Variants in NPIPB2 observed in about 807,000 individuals in gnomAD.
NPIPB2 encodes nuclear pore complex interacting protein family member B2, also known as nuclear pore complex-interacting protein family member B2.
A neutral mutation model predicts 30.8 loss-of-function variants in NPIPB2; 27 were observed. That is an observed-to-expected ratio of 0.88 (90% CI 0.65 to 1.21). The LOEUF (loss-of-function observed/expected upper bound fraction) is 1.21, where lower values mean the gene tolerates loss of function less well. Ranked by LOEUF, NPIPB2 falls within the 50% of genes most tolerant of loss-of-function variation. NPIPB2 has a pLI of 0.00. For missense variants in NPIPB2, 440 were observed against 446.2 expected, an observed-to-expected ratio of 0.99 and a Z score of 0.13; for synonymous variants, 147 against 162.0, an observed-to-expected ratio of 0.91 and a Z score of 0.70.
At chr16:11,973,585 G>A (rs2055248888) in intron 1 of NPIPB2, among the ~76,000 whole-genome samples, 1 of 152,086 alleles carries the variant, frequency 6.6e-6, no homozygotes, top group African/African-American at 2.4e-5. Context: ...TTTATTTTTT[G>A]AGACAGAGTT....
At chr16:11,948,250 C>G (rs2055030970) in intron 1 of NPIPB2, among the ~76,000 whole-genome samples, 1 of 151,868 alleles carries the variant, frequency 6.6e-6, no homozygotes, top group Non-Finnish European at 1.5e-5. Flanking sequence ...GGTCACCTCA[C>G]CAAACAGAAA....
At chr16:11,958,768 T>C (rs2055133790) in intron 1 of NPIPB2, among the ~76,000 whole-genome samples, 1 of 151,934 alleles carries the variant, frequency 6.6e-6, no homozygotes, top group Non-Finnish European at 1.5e-5. Context: ...AGAAAGCCTG[T>C]AGGTTGAAAA....
At chr16:11,970,397 C>G (rs1369083481) in intron 1 of NPIPB2, among the ~76,000 whole-genome samples, 1 of 151,898 alleles carries the variant, frequency 6.6e-6, no homozygotes, top group South Asian at 2.1e-4. Context: ...ATTTTTACTA[C>G]AGATGGGGTT....
At chr16:11,951,460 C>CAAAA (rs144775580) in intron 1 of NPIPB2, among the ~76,000 whole-genome samples, 66 of 49,588 alleles carry the variant, frequency 1.3e-3, no homozygotes, top group South Asian at 2.7e-3. Context: ...AAGACTGTCT[C>CAAAA]AAAAAAAAAA....
intron 1 of NPIPB2, among the ~76,000 whole-genome samples, chr16:11,972,430 C>T (rs964077022): frequency 4.6e-5 from 7 of 151,770 alleles, no homozygotes; most frequent in South Asian, 2.1e-4. Context: ...AATAATTAGC[C>T]GGGGCTTGGT....
intron 1 of NPIPB2, among the ~76,000 whole-genome samples, chr16:11,955,249 G>A (rs550274492): frequency 6.6e-6 from 1 of 151,466 alleles, no homozygotes; most frequent in East Asian, 2.0e-4. Context: ...AGCTACTCTG[G>A]AGGGTGAGGC....
intron 4 of NPIPB2, 65 bp downstream of exon 4, chr16:11,933,452 T>A: frequency 6.3e-7 from 1 of 1,591,998 alleles, no homozygotes; most frequent in Non-Finnish European, 8.5e-7. Flanking sequence ...TCAAGGACTT[T>A]ACAGTTGTCT....
Position 11,963,208 on chromosome 16 carries a change from C to T in NPIPB2, c.-584+13360G>A, listed in dbSNP as rs1027656648. Among the ~76,000 whole-genome samples, 3 of 152,096 alleles carry T rather than the reference C, an allele frequency of 2.0e-5. No homozygotes were observed. In the East Asian group the frequency reaches 5.8e-4, roughly 29 times the overall value. ...CAGCCTGACCAACACGGTGAAACCC[C>T]GTCTCTACCAAAAATACAAAAACTA... On this transcript the variant is annotated intron_variant, in intron 1 of 5. Coordinates refer to the NPIPB2 transcript ENST00000538896.
At chr16:11,974,898 C>G (rs1192923677) in intron 1 of NPIPB2, among the ~76,000 whole-genome samples, 1 of 151,720 alleles carries the variant, frequency 6.6e-6, no homozygotes, top group Non-Finnish European at 1.5e-5. Context: ...ACGTTGAAAC[C>G]CCGTCTCTAC....
chr16:11,941,160 T>G lies in NPIPB2; in HGVS notation c.63+823A>C, dbSNP rs577050466. 30 of 1,474,346 alleles carry G rather than the reference T, an allele frequency of 2.0e-5. 1 individual carries two copies. The African/African-American group carries it at 4.5e-4, about 22-fold the overall frequency. The allele number at this position is 1,474,346 out of a possible 1,614,324, so 91.3% of individuals were successfully genotyped here. On this transcript the variant is annotated intron_variant, in intron 1 of 7. Transcript: ENST00000399147. ...AGGAAGAAACCCCGCGGGTCCAGCG[T>G]CTACTCACACAGGTGGACTGATGGC...
intron 1 of NPIPB2, chr16:11,965,379 C>A (rs375886084): frequency 3.5e-5 from 56 of 1,614,076 alleles, no homozygotes; most frequent in Non-Finnish European, 4.3e-5. Flanking sequence ...CAGTTTGTTG[C>A]ATGCTTGCAT....
chr16:11,960,028 G>C (rs1475102420), intron 1 of NPIPB2, among the ~76,000 whole-genome samples: 1 of 152,184 alleles, frequency 6.6e-6, no homozygotes, highest in Non-Finnish European at 1.5e-5. Context: ...TTCTACCTCA[G>C]CCTACCAAAA....
chr16:11,972,207 C>T (rs1192155148), intron 1 of NPIPB2, among the ~76,000 whole-genome samples: 1 of 152,078 alleles, frequency 6.6e-6, no homozygotes, highest in African/African-American at 2.4e-5. Flanking sequence ...ATTGTGGAGA[C>T]CGTAGTTCTG....
intron 1 of NPIPB2, among the ~76,000 whole-genome samples, chr16:11,952,182 A>AG (rs36005614): frequency 1.3e-5 from 2 of 148,202 alleles, no homozygotes; most frequent in Non-Finnish European, 3.0e-5. Flanking sequence ...AAACAAAAAA[A>AG]AAAACAAAGA....
rs1214348316 is a variant in NPIPB2, at chr16:11,951,625, TACACACACAC to T, written c.-583-9521_-583-9512del. ...TACAGATGGACACTGCACATACACA[TACACACACAC>T]ACACACACACACACACACACACACA... is the stretch of plus-strand genomic sequence containing the variant. On this transcript the variant is annotated intron_variant, in intron 1 of 5. Coordinates refer to the NPIPB2 transcript ENST00000538896. Among the ~76,000 whole-genome samples the T allele has an allele frequency of 3.9e-4, 37 of 95,900 alleles. 1 individual carries two copies. In the South Asian group the frequency reaches 0.012, roughly 32 times the overall value. 62.9% of individuals were successfully genotyped at this position (95,900 alleles called of 152,430 possible). A position where few individuals can be genotyped will look rare whatever the true frequency, so the allele number is the denominator to read the frequency against.
At chr16:11,939,560 A>C (rs2054911449) in intron 1 of NPIPB2, among the ~76,000 whole-genome samples, 1 of 113,894 alleles carries the variant, frequency 8.8e-6, no homozygotes, top group African/African-American at 3.6e-5. Flanking sequence ...ACTCTGTCTC[A>C]AAAAAAAAAA....
At chr16:11,966,209 G>A (rs575347463) in intron 1 of NPIPB2, 1 of 1,613,086 alleles carries the variant, frequency 6.2e-7, no homozygotes, top group Non-Finnish European at 8.5e-7. Flanking sequence ...GACCAATTCA[G>A]TGAAAGGAAC....
At chr16:11,974,054 G>C (rs2055252328) in intron 1 of NPIPB2, among the ~76,000 whole-genome samples, 3 of 152,240 alleles carry the variant, frequency 2.0e-5, no homozygotes, top group Middle Eastern at 3.4e-3. Context: ...TGTTATTTTT[G>C]GTGGGTCCCA....
intron 1 of NPIPB2, chr16:11,966,233 T>C: frequency 1.2e-6 from 2 of 1,614,036 alleles, no homozygotes; most frequent in Non-Finnish European, 1.7e-6. Flanking sequence ...TGCGATTCTC[T>C]GGACCTGTTT....
Sources: gnomAD v4.1 joint callset for allele counts (sites outside exome capture counted in the v4.1 genomes callset) on GRCh38, gnomAD v4.1.1 for gene constraint, MANE v1.5 for transcripts, NCBI Gene and HGNC (gene_info 2026-07-23, HGNC 2026-07-21) for gene names.